Variants in KDM1B observed in about 807,000 individuals in gnomAD.
The protein encoded by KDM1B is lysine demethylase 1B.
Under a neutral mutation model 107.4 loss-of-function variants are expected in KDM1B, and 63 were observed. That is an observed-to-expected ratio of 0.59 (90% CI 0.48 to 0.72). The LOEUF (loss-of-function observed/expected upper bound fraction) is 0.72, where lower values mean the gene tolerates loss of function less well. KDM1B is among the 30% of genes least tolerant of loss of function. The probability of loss-of-function intolerance (pLI) is 0.00; values close to 1 mark genes in which losing one functional copy is unlikely to be tolerated. For synonymous variants in KDM1B, 363 were observed against 363.9 expected (o/e 1.00, Z 0.03); for missense variants, 749 against 1,020.8 (o/e 0.73, Z 3.63).
In KDM1B at chr6:18,162,438, A is replaced by G. The variant is rs982453363; in HGVS notation, c.216-397A>G. ...CTGTTTGACAAGTTATCTTTGCCAAATTGCCTGCTTGATGTTCAGATTTCA... is the reference window on the plus strand; with the variant it reads ...CTGTTTGACAAGTTATCTTTGCCAAGTTGCCTGCTTGATGTTCAGATTTCA... On this transcript the variant is annotated intron_variant, in intron 4 of 21. Transcript: ENST00000650836. The surrounding 1 kb of genome is among the most constrained non-coding windows in gnomAD (Gnocchi z 4.1). Among the ~76,000 whole-genome samples, 2 of 152,174 alleles carry G rather than the reference A, an allele frequency of 1.3e-5. No homozygotes were observed. Among genetic ancestry groups the G allele is most frequent in the African/African-American group, 2.4e-5 (1 of 41,442 alleles).
At chr6:18,179,176 T>G (rs1786263270) in intron 7 of KDM1B, among the ~76,000 whole-genome samples, 1 of 152,236 alleles carries the variant, frequency 6.6e-6, no homozygotes, top group Admixed American at 6.5e-5. Flanking sequence ...ATTTTCTTCT[T>G]TAATCAGCAA....
intron 17 of KDM1B, among the ~76,000 whole-genome samples, chr6:18,210,036 C>T (rs982395772): frequency 4.6e-5 from 7 of 152,130 alleles, no homozygotes; most frequent in Admixed American, 2.0e-4. Flanking sequence ...AGTACTTGTG[C>T]GTTTCTGTGT....
At chr6:18,189,916 C>T (rs1172193277) in intron 9 of KDM1B, among the ~76,000 whole-genome samples, 3 of 151,438 alleles carry the variant, frequency 2.0e-5, no homozygotes, top group Non-Finnish European at 2.9e-5. Flanking sequence ...GAGGCCGAGA[C>T]GGGCAGATCA....
intron 17 of KDM1B, among the ~76,000 whole-genome samples, chr6:18,210,503 A>G (rs893180130): frequency 2.6e-5 from 4 of 151,050 alleles, no homozygotes; most frequent in African/African-American, 9.7e-5. Context: ...GACCACAAGC[A>G]CATGCCACCA....
At position 18,213,920 on chromosome 6, in the gene KDM1B, C is replaced by T. The variant is rs1174965788; in HGVS notation, c.2109+139C>T. ...TCTATGTTTATATTCTGGGAGGACA[C>T]TTGGACTGGACATTTTCCTATAGGA... On this transcript the variant is annotated intron_variant, in intron 19 of 21. Coordinates refer to ENST00000650836, the MANE Select transcript of KDM1B (RefSeq NM_001364614.2). This position sits in a 1 kb window ranked among gnomAD's most constrained non-coding sequence, Gnocchi z 5.9. 6.5e-6 allele frequency: 6 copies of T among 921,332 alleles called. No homozygotes were observed. Among genetic ancestry groups the T allele is most frequent in the Non-Finnish European group, 1.0e-5 (6 of 602,906 alleles). 57.1% of individuals were successfully genotyped at this position (921,332 alleles called of 1,614,324 possible). A position where few individuals can be genotyped will look rare whatever the true frequency, so the allele number is the denominator to read the frequency against.
intron 6 of KDM1B, among the ~76,000 whole-genome samples, chr6:18,168,457 G>A (rs916443892): frequency 6.6e-6 from 1 of 152,084 alleles, no homozygotes; most frequent in Non-Finnish European, 1.5e-5. Context: ...TTTTTTATGG[G>A]TGAATAATAC....
At position 18,221,973 on chromosome 6, in the gene KDM1B, G is replaced by A. The variant is rs746150715; in HGVS notation, c.2450G>A (p.Ser817Asn). 4 of 1,614,006 alleles carry A rather than the reference G, an allele frequency of 2.5e-6. No individual in the cohort carries two copies. The highest frequency in any genetic ancestry group is 3.4e-6 in the Non-Finnish European group (4 of 1,179,934). The change falls in exon 22 of 22, where the codon AGC becomes AAC. Residue 817 changes from serine (S) to asparagine (N), a missense_variant. Coordinates refer to ENST00000650836, the MANE Select transcript of KDM1B (RefSeq NM_001364614.2). ...TATTTGAGTGGCGTTCGAGAAGCAAGCAAGATTGCAGCATTTTAAGAATTC... is the reference window on the plus strand; with the variant it reads ...TATTTGAGTGGCGTTCGAGAAGCAAACAAGATTGCAGCATTTTAAGAATTC... Reference protein sequence around the residue: ...GAYLSGVREASKIAAF With the variant: ...GAYLSGVREANKIAAF
rs1176205621 is a variant in KDM1B, at chr6:18,213,448, A to C, written c.1984-208A>C. Among the ~76,000 whole-genome samples, 2 of 151,944 alleles carry C rather than the reference A, an allele frequency of 1.3e-5. No homozygotes were observed. Among genetic ancestry groups the C allele is most frequent in the Non-Finnish European group, 2.9e-5 (2 of 67,952 alleles). ...CGAAACTCCGTCTCAAAAAAAAAAA[A>C]AACCCAAAAAACAAAACAAAACAAA... is the stretch of plus-strand genomic sequence containing the variant. On this transcript the variant is annotated intron_variant, in intron 18 of 21. Transcript: ENST00000650836. The surrounding 1 kb of genome is among the most constrained non-coding windows in gnomAD (Gnocchi z 5.9).
chr6:18,222,320 T>G lies in KDM1B; in HGVS notation c.*328T>G. The G allele has an allele frequency of 2.6e-6, 1 of 389,930 alleles. No individual in the cohort carries two copies. Among genetic ancestry groups the G allele is most frequent in the Non-Finnish European group, 4.9e-6 (1 of 204,102 alleles). 24.2% of individuals were successfully genotyped at this position (389,930 alleles called of 1,614,324 possible). ...GGAAGTTCCCTTTAGATTTCACATTTTATATGGCTGATCAATTTTCATACA... is the reference window on the plus strand; with the variant it reads ...GGAAGTTCCCTTTAGATTTCACATTGTATATGGCTGATCAATTTTCATACA... On this transcript the variant is annotated 3_prime_UTR_variant, in exon 22 of 22. Coordinates refer to ENST00000650836, the MANE Select transcript of KDM1B (RefSeq NM_001364614.2).
At position 18,174,101 on chromosome 6, in the gene KDM1B, TA is replaced by T. The variant is rs528249798; in HGVS notation, c.534+2629del. ...GCCCGGCCCTATCTTAGCACCATTA[TA>T]AAAAAATCAATTGGCCGTATGTGTG... is the stretch of plus-strand genomic sequence containing the variant. On this transcript the variant is annotated intron_variant, in intron 7 of 21. Transcript: ENST00000650836. Among the ~76,000 whole-genome samples, 10 of 152,260 alleles carry T rather than the reference TA, an allele frequency of 6.6e-5. No homozygotes were observed. In the East Asian group the frequency reaches 1.7e-3, roughly 26 times the overall value.
In KDM1B at chr6:18,200,292, C is replaced by T; in HGVS notation, c.1222-147C>T. 1 of 813,184 alleles carries T rather than the reference C, an allele frequency of 1.2e-6. No individual in the cohort carries two copies. The highest frequency in any genetic ancestry group is 2.0e-5 in the South Asian group (1 of 49,544). 50.4% of individuals were successfully genotyped at this position (813,184 alleles called of 1,614,324 possible). A position where few individuals can be genotyped will look rare whatever the true frequency, so the allele number is the denominator to read the frequency against. The stretch of plus-strand genomic sequence containing the variant: ...TCTATTTTGGCTTCTCTTCACACTG[C>T]CTGCTTTTTAAAGTTGTTTTTTTAG... On this transcript the variant is annotated intron_variant, in intron 12 of 21. Transcript: ENST00000650836. This position sits in a 1 kb window ranked among gnomAD's most constrained non-coding sequence, Gnocchi z 4.3.
intron 17 of KDM1B, 114 bp downstream of exon 17, chr6:18,208,320 T>C (rs1788531528): frequency 2.8e-6 from 2 of 725,990 alleles, no homozygotes; most frequent in Non-Finnish European, 4.7e-6. Context: ...CCTGGACCCT[T>C]GTTGGATTTC....
intron 7 of KDM1B, among the ~76,000 whole-genome samples, chr6:18,175,810 C>A (rs1236299321): frequency 2.0e-5 from 3 of 152,114 alleles, no homozygotes; most frequent in East Asian, 3.9e-4. Flanking sequence ...GTTCTCTATT[C>A]TGTTTCATTG....
Position 18,187,840 on chromosome 6 carries a change from C to A in KDM1B, c.622C>A (p.Pro208Thr), listed in dbSNP as rs1401270309. 3 of 1,550,500 alleles carry A rather than the reference C, an allele frequency of 1.9e-6. No homozygotes were observed. The highest frequency in any genetic ancestry group is 2.6e-6 in the Non-Finnish European group (3 of 1,146,970). ...NHWWYSMLIL[P>T]PLLKDSVAAP... The stretch of plus-strand genomic sequence containing the variant: ...TTGGTGGTACTCTATGCTCATCCTA[C>A]CTCCTTTGCTGAAAGACAGTGTGGC... Residue 208 changes from proline (P) to threonine (T), a missense_variant, in exon 9 of 22, where the codon CCT (proline) becomes ACT (threonine). Pro to Thr is a conservative substitution (Grantham distance 38). Coordinates refer to ENST00000650836, the MANE Select transcript of KDM1B (RefSeq NM_001364614.2).
intron 14 of KDM1B, among the ~76,000 whole-genome samples, chr6:18,202,312 T>C (rs1271594503): frequency 6.6e-6 from 1 of 151,722 alleles, no homozygotes; most frequent in Non-Finnish European, 1.5e-5. Flanking sequence ...GGTGGAAGGA[T>C]AGCTTTGAGC....
At position 18,222,014 on chromosome 6, in the gene KDM1B, C is replaced by T. The variant is rs765969666; in HGVS notation, c.*22C>T. Reference sequence around the variant, plus strand: ...TTAAGAATTCGGTGGACCCAGCTTTCTTCTGTACCCCAGATGGGGAAATTT... The same window carrying T: ...TTAAGAATTCGGTGGACCCAGCTTTTTTCTGTACCCCAGATGGGGAAATTT... On this transcript the variant is annotated 3_prime_UTR_variant, in exon 22 of 22. Transcript: ENST00000650836. The T allele has an allele frequency of 1.9e-6, 3 of 1,605,662 alleles. No individual in the cohort carries two copies. The highest frequency in any genetic ancestry group is 2.6e-6 in the Non-Finnish European group (3 of 1,172,478).
intron 20 of KDM1B, among the ~76,000 whole-genome samples, chr6:18,217,524 G>A (rs1789338824): frequency 1.3e-5 from 2 of 151,782 alleles, no homozygotes; most frequent in Admixed American, 6.6e-5. Context: ...GACTACAGGC[G>A]CCTGCCATCA....
chr6:18,198,646 A>AC (rs1004784957), intron 12 of KDM1B, among the ~76,000 whole-genome samples: 19 of 142,646 alleles, frequency 1.3e-4, no homozygotes, highest in African/African-American at 4.8e-4. Context: ...TCAAAAAAAA[A>AC]AAAAAAAAAA....
At position 18,201,287 on chromosome 6, in the gene KDM1B, A is replaced by G. The variant is rs1250163186; in HGVS notation, c.1360-199A>G. 3.9e-5 allele frequency among the ~76,000 whole-genome samples: 6 copies of G among 152,190 alleles called. No homozygotes were observed. The East Asian group carries it at 1.2e-3, about 29-fold the overall frequency. On this transcript the variant is annotated intron_variant, in intron 13 of 21. Transcript: ENST00000650836. The surrounding 1 kb of genome is among the most constrained non-coding windows in gnomAD (Gnocchi z 4.3). ...TGCTGCCCCTCTCACATTCTCATCA[A>G]ATAAAATCTTGTAGATTTCATGCTG...
Sources: allele counts gnomAD v4.1 joint callset (sites outside exome capture counted in the v4.1 genomes callset), GRCh38; gene constraint gnomAD v4.1.1; non-coding constraint Gnocchi (gnomAD v3.1); transcripts MANE v1.5; gene names NCBI Gene and HGNC (gene_info 2026-07-23, HGNC 2026-07-21).